Variants in METTL14 observed in about 807,000 individuals in gnomAD.
The protein encoded by METTL14 is N(6)-adenosine-methyltransferase non-catalytic subunit METTL14.
In METTL14, 32 loss-of-function variants were observed where a neutral mutation model predicts 62.4. That is an observed-to-expected ratio of 0.51 (90% CI 0.39 to 0.69). The LOEUF (loss-of-function observed/expected upper bound fraction) is 0.69. METTL14 is among the 30% of genes least tolerant of loss of function. The probability of loss-of-function intolerance (pLI) is 0.00; values close to 1 mark genes in which losing one functional copy is unlikely to be tolerated. For missense variants in METTL14, 340 were observed against 551.9 expected (o/e 0.62, Z 3.85); for synonymous variants, 150 against 180.0 (o/e 0.83, Z 1.34).
chr4:118,697,090 AT>A (rs1724434901), intron 6 of METTL14, 91 bp from the exon 7 acceptor site: 1 of 945,538 alleles, frequency 1.1e-6, no homozygotes, highest in Non-Finnish European at 1.6e-6. Flanking sequence ...TATCTAAGAC[AT>A]TTCTTTCATT....
At chr4:118,693,324 T>C (rs1724310960) in intron 5 of METTL14, among the ~76,000 whole-genome samples, 2 of 152,338 alleles carry the variant, frequency 1.3e-5, no homozygotes, top group South Asian at 4.1e-4. Flanking sequence ...TATTTTTAAA[T>C]TATTTCACTG....
intron 6 of METTL14, 60 bp from the exon 7 acceptor site, chr4:118,697,111 TAAGGTACTTGA>T (rs1724435797): frequency 8.7e-7 from 1 of 1,147,960 alleles, no homozygotes; most frequent in African/African-American, 1.6e-5. Context: ...TACCATCTGT[TAAGGTACTTGA>T]AAATCTTATT....
intron 3 of METTL14, among the ~76,000 whole-genome samples, chr4:118,691,030 G>A (rs1724230059): frequency 6.6e-6 from 1 of 152,040 alleles, no homozygotes; most frequent in African/African-American, 2.4e-5. Flanking sequence ...AGAAAGTTCA[G>A]TGAAATAATA....
At chr4:118,689,581 G>A in intron 3 of METTL14, 124 bp downstream of exon 3, 1 of 538,778 alleles carries the variant, frequency 1.9e-6, no homozygotes, top group Non-Finnish European at 3.3e-6. Flanking sequence ...AATTGTCAGT[G>A]GCATATGTTA....
At chr4:118,691,234 C>G (rs1025569993) in intron 3 of METTL14, among the ~76,000 whole-genome samples, 20 of 152,164 alleles carry the variant, frequency 1.3e-4, no homozygotes, top group African/African-American at 4.8e-4. Flanking sequence ...TCGTATCTTT[C>G]ATGACTCAAA....
rs747688050 is a variant in METTL14, at chr4:118,687,890, T to G, written c.67-33T>G. Reference sequence around the variant, plus strand: ...TGCCCAGAAAGGCTATCCAGTGCATTGCAATCTAATTTCTGATTTTGTCTT... The same window carrying G: ...TGCCCAGAAAGGCTATCCAGTGCATGGCAATCTAATTTCTGATTTTGTCTT... On this transcript the variant is annotated intron_variant, in intron 1 of 10. Coordinates refer to ENST00000388822, the MANE Select transcript of METTL14 (RefSeq NM_020961.4). 7 of 1,594,032 alleles carry G rather than the reference T, an allele frequency of 4.4e-6. 1 individual carries two copies. In the South Asian group the frequency reaches 7.8e-5, roughly 18 times the overall value.
intron 10 of METTL14, among the ~76,000 whole-genome samples, chr4:118,708,390 A>G (rs748134997): frequency 2.6e-5 from 4 of 152,172 alleles, no homozygotes; most frequent in Non-Finnish European, 5.9e-5. Flanking sequence ...ATTATCTTCC[A>G]TAATACCACA....
rs1321126967 is a variant in METTL14, at chr4:118,710,689, G to A, written c.*387G>A. 1 of 156,452 alleles carries A rather than the reference G, an allele frequency of 6.4e-6. No homozygotes were observed. The highest frequency in any genetic ancestry group is 1.4e-5 in the Non-Finnish European group (1 of 71,280). 9.7% of individuals were successfully genotyped at this position (156,452 alleles called of 1,614,324 possible). A position where few individuals can be genotyped will look rare whatever the true frequency, so the allele number is the denominator to read the frequency against. On this transcript the variant is annotated 3_prime_UTR_variant, in exon 11 of 11. Coordinates refer to ENST00000388822, the MANE Select transcript of METTL14 (RefSeq NM_020961.4). Reference sequence around the variant, plus strand: ...GACAGGGCCTTGATAGAATAGAGTTGGAAAAGATGGTAAGCTTTTGTCAGG... The same window carrying A: ...GACAGGGCCTTGATAGAATAGAGTTAGAAAAGATGGTAAGCTTTTGTCAGG...
chr4:118,690,964 T>G (rs1468187456), intron 3 of METTL14, among the ~76,000 whole-genome samples: 1 of 152,184 alleles, frequency 6.6e-6, no homozygotes, highest in Non-Finnish European at 1.5e-5. Context: ...ACTTTTGTTT[T>G]TTCAAGTTAA....
chr4:118,695,720 G>C (rs149914635), intron 6 of METTL14, among the ~76,000 whole-genome samples: 2 of 152,156 alleles, frequency 1.3e-5, no homozygotes, highest in African/African-American at 2.4e-5. Context: ...CATTTCAACC[G>C]TTGCTAAGCA....
At chr4:118,707,160 G>A (rs1724779172) in intron 10 of METTL14, among the ~76,000 whole-genome samples, 1 of 151,810 alleles carries the variant, frequency 6.6e-6, no homozygotes, top group African/African-American at 2.4e-5. Flanking sequence ...TTCAGGTTAG[G>A]GGTACAGGTT....
rs898457568 is a variant in METTL14 at position 118,714,092 on chromosome 4, A to G, written c.*3790A>G. ...AATACTTCTAAATAATTGACAACCT[A>G]GAAGTCAACAATGTAAAATGCATAT... On this transcript the variant is annotated 3_prime_UTR_variant, in exon 11 of 11. Coordinates refer to ENST00000388822, the MANE Select transcript of METTL14 (RefSeq NM_020961.4). The G allele has an allele frequency of 6.6e-5, 10 of 152,380 alleles. No individual in the cohort carries two copies. The highest frequency in any genetic ancestry group is 2.2e-4 in the African/African-American group (9 of 41,594). 9.4% of individuals were successfully genotyped at this position (152,380 alleles called of 1,614,324 possible). A position where few individuals can be genotyped will look rare whatever the true frequency, so the allele number is the denominator to read the frequency against.
intron 8 of METTL14, among the ~76,000 whole-genome samples, chr4:118,701,797 A>G (rs553628813): frequency 3.3e-5 from 5 of 152,330 alleles, no homozygotes; most frequent in Non-Finnish European, 7.4e-5. Context: ...TGAGATAATA[A>G]GTATGATTAT....
intron 7 of METTL14, among the ~76,000 whole-genome samples, chr4:118,698,508 C>G (rs1055771667): frequency 6.7e-6 from 1 of 149,464 alleles, no homozygotes; most frequent in Admixed American, 6.7e-5. Context: ...TTAGAAGACT[C>G]TTTCTTAGAG....
At chr4:118,703,569 A>C (rs1316243862) in intron 8 of METTL14, among the ~76,000 whole-genome samples, 1 of 152,234 alleles carries the variant, frequency 6.6e-6, no homozygotes, top group African/African-American at 2.4e-5. Flanking sequence ...AGTTGGCAGG[A>C]ATCAAATTGT....
chr4:118,687,760 T>G (rs1724114904), intron 1 of METTL14, among the ~76,000 whole-genome samples, 163 bp from the exon 2 acceptor site: 1 of 152,146 alleles, frequency 6.6e-6, no homozygotes. Context: ...TTTTTCCAGT[T>G]TGTCTTGCAA....
At chr4:118,696,713 TAAAAG>T (rs1419262998) in intron 6 of METTL14, among the ~76,000 whole-genome samples, 3 of 152,190 alleles carry the variant, frequency 2.0e-5, no homozygotes, top group African/African-American at 7.2e-5. Flanking sequence ...AAAAAACTAA[TAAAAG>T]AAAACTATAT....
chr4:118,692,226 CTTT>C (rs11387432), intron 5 of METTL14, among the ~76,000 whole-genome samples, 158 bp downstream of exon 5: 12 of 131,434 alleles, frequency 9.1e-5, no homozygotes, highest in Admixed American at 2.4e-4. Context: ...CTTTTCTTTT[CTTT>C]TTTTTTTTTT....
chr4:118,686,266 T>C (rs1363850295), intron 1 of METTL14, among the ~76,000 whole-genome samples: 1 of 152,232 alleles, frequency 6.6e-6, no homozygotes, highest in African/African-American at 2.4e-5. Flanking sequence ...TAGGTTTGTC[T>C]CCCCAAAGCT....
Sources: gnomAD v4.1 joint callset for allele counts (sites outside exome capture counted in the v4.1 genomes callset) on GRCh38, gnomAD v4.1.1 for gene constraint, MANE v1.5 for transcripts, NCBI Gene and HGNC (gene_info 2026-07-23, HGNC 2026-07-21) for gene names.